Variants in MEIS3 observed in about 807,000 individuals in gnomAD.
MEIS3 encodes homeobox protein Meis3.
MEIS3 carries 38 observed loss-of-function variants against 51.4 expected under a neutral mutation model. The ratio of observed to expected loss-of-function variants is 0.74; its 90% confidence interval spans 0.57 to 0.97. The LOEUF (loss-of-function observed/expected upper bound fraction) is 0.97. Ranked by LOEUF, MEIS3 falls within the 50% of genes least tolerant of loss-of-function variation. MEIS3 has a pLI of 0.00. For missense variants in MEIS3, 456 were observed against 502.6 expected (o/e 0.91, Z 0.89); for synonymous variants, 198 against 201.8 (o/e 0.98, Z 0.16).
intron 8 of MEIS3, 103 bp downstream of exon 8, chr19:47,408,996 C>A: frequency 7.2e-7 from 1 of 1,386,544 alleles, no homozygotes; most frequent in South Asian, 1.3e-5. Flanking sequence ...AATTTCCTGC[C>A]GTCTTTCTCC....
intron 4 of MEIS3, 22 bp downstream of exon 4, chr19:47,416,630 T>TG: frequency 6.7e-7 from 1 of 1,500,954 alleles, no homozygotes. Flanking sequence ...GGAGGGGGTG[T>TG]GGGGGAGGGC....
At chr19:47,416,305 C>T (rs1033303162) in intron 4 of MEIS3, 1 of 252,150 alleles carries the variant, frequency 4.0e-6, no homozygotes, top group Non-Finnish European at 7.5e-6. Context: ...GGTGCTGTTC[C>T]ACGCACTTGA....
rs946585508 is a variant in MEIS3 at position 47,407,102 on chromosome 19, A to G, written c.971T>C (p.Met324Thr). Residue 324 changes from methionine to threonine, a missense_variant, in exon 10 of 13, where the codon ATG (methionine) becomes ACG (threonine). Transcript: ENST00000558555. The stretch of plus-strand genomic sequence containing the variant: ...ACCTGTGCGGTTGGATTGATCGATC[A>G]TAGGTTGCACGATGCGTCTCCGGGC... ...INARRRIVQP[M>T]IDQSNRTGQG... 1 of 1,611,782 alleles carries G rather than the reference A, an allele frequency of 6.2e-7. No homozygotes were observed.
At chr19:47,421,530 C>T (rs1305279659), upstream of MEIS3, among the ~76,000 whole-genome samples, 2 of 152,140 alleles carry the variant, frequency 1.3e-5, no homozygotes, top group African/African-American at 4.8e-5. Context: ...TCGGTTTCCC[C>T]TCTTTATCAA....
intron 1 of MEIS3, chr19:47,417,709 C>T: frequency 1.4e-6 from 1 of 699,796 alleles, no homozygotes; most frequent in East Asian, 2.7e-5. Flanking sequence ...ATGGACACCT[C>T]CTGTAGGAAC....
chr19:47,412,735 GTTTTT>G (rs545332157), intron 6 of MEIS3, among the ~76,000 whole-genome samples: 1 of 151,626 alleles, frequency 6.6e-6, no homozygotes, highest in Admixed American at 6.6e-5. Context: ...CTAATTTTTT[GTTTTT>G]TTTATGTTTA....
intron 6 of MEIS3, among the ~76,000 whole-genome samples, chr19:47,411,696 A>ATGCCCGGCTAATTTTT (rs1458628089): frequency 1.3e-5 from 2 of 151,404 alleles, no homozygotes; most frequent in African/African-American, 4.9e-5. Flanking sequence ...GTGTGCCACC[A>ATGCCCGGCTAATTTTT]TGCCCGGCTA....
chr19:47,422,067 G>A (rs530880750), upstream of MEIS3, among the ~76,000 whole-genome samples: 67 of 150,002 alleles, frequency 4.5e-4, no homozygotes, highest in South Asian at 5.6e-3. Flanking sequence ...CCCTGCGCCC[G>A]CCCCTCCGCC....
At position 47,406,957 on chromosome 19, in the gene MEIS3, A is replaced by G. The variant is rs1010740542; in HGVS notation, c.1009T>C (p.Phe337Leu). 3 of 1,577,842 alleles carry G rather than the reference A, an allele frequency of 1.9e-6. No individual in the cohort carries two copies. The highest frequency in any genetic ancestry group is 2.7e-5 in the African/African-American group (2 of 74,402). The change falls in exon 11 of 13, where the codon TTC becomes CTC. Residue 337 changes from phenylalanine to leucine, a missense_variant. Physicochemically the swap from Phe to Leu is conservative, Grantham distance 22 (BLOSUM62 0). Coordinates refer to ENST00000558555, the MANE Select transcript of MEIS3 (RefSeq NM_001301059.2). ...QSNRTGQGAAFSPEGQPIGGY... is the reference protein window; with the variant it reads ...QSNRTGQGAALSPEGQPIGGY... ...CCGATGGGCTGGCCCTCTGGGCTGA[A>G]GGCTGCACCCTGCCCTGCGAAGGGG...
intron 1 of MEIS3, chr19:47,418,440 G>C (rs1032366838): frequency 9.9e-5 from 15 of 152,278 alleles, no homozygotes; most frequent in African/African-American, 3.4e-4. Context: ...AGCCTACCCG[G>C]AACCCCCAAA....
chr19:47,415,329 G>A (rs1971355084), intron 4 of MEIS3, among the ~76,000 whole-genome samples: 1 of 152,082 alleles, frequency 6.6e-6, no homozygotes, highest in Non-Finnish European at 1.5e-5. Flanking sequence ...GCAGATGTTA[G>A]ATTGAGAGAA....
At chr19:47,409,020 C>T in intron 8 of MEIS3, 79 bp downstream of exon 8, 1 of 1,519,288 alleles carries the variant, frequency 6.6e-7, no homozygotes, top group Non-Finnish European at 8.9e-7. Context: ...TTCTGGGTTT[C>T]TCTGGGGTTT....
At chr19:47,409,032 G>A (rs1487244922) in intron 8 of MEIS3, 67 bp downstream of exon 8, 11 of 1,548,164 alleles carry the variant, frequency 7.1e-6, no homozygotes, top group South Asian at 1.1e-5. Flanking sequence ...CTGGGGTTTC[G>A]GTCTCTGTGG....
chr19:47,421,963 G>C (rs554832939), upstream of MEIS3, among the ~76,000 whole-genome samples: 1 of 149,158 alleles, frequency 6.7e-6, no homozygotes, highest in East Asian at 2.0e-4. Flanking sequence ...TCCTCCACCC[G>C]GGCCCTTCAT....
In MEIS3 at chr19:47,407,562, C is replaced by T. The variant is rs377098127; in HGVS notation, c.859-134G>A. 1.1e-4 allele frequency: 166 copies of T among 1,546,550 alleles called. No homozygotes were observed. The highest frequency in any genetic ancestry group is 2.1e-4 in the Middle Eastern group (1 of 4,672). On this transcript the variant is annotated intron_variant, in intron 8 of 12. Transcript: ENST00000558555. ...GTCTGGGAGAACCGGCGCTTCTGAG[C>T]GTCTCTGCGCTCCCCAGGATGGAGA...
intron 5 of MEIS3, 55 bp downstream of exon 5, chr19:47,414,996 G>A: frequency 7.5e-7 from 1 of 1,338,872 alleles, no homozygotes; most frequent in Non-Finnish European, 1.0e-6. Context: ...GAGGCGACGA[G>A]AGGGGGTGGG....
At chr19:47,406,370 C>A in intron 12 of MEIS3, 90 bp downstream of exon 12, 1 of 1,070,470 alleles carries the variant, frequency 9.3e-7, no homozygotes. Flanking sequence ...CCCAGGCTGA[C>A]CCACTACTCT....
intron 12 of MEIS3, among the ~76,000 whole-genome samples, chr19:47,405,763 T>C (rs1970785049): frequency 1.3e-5 from 2 of 152,098 alleles, no homozygotes; most frequent in African/African-American, 4.8e-5. Flanking sequence ...TTGGCCAGGC[T>C]GGTCTCGAAC....
rs183158734 is a variant in MEIS3, at chr19:47,409,787, C to T, written c.598-240G>A. Among the ~76,000 whole-genome samples the T allele has an allele frequency of 6.8e-3, 1,029 of 151,184 alleles. 15 individuals are homozygous for T. Among genetic ancestry groups the T allele is most frequent in the African/African-American group, 0.023 (952 of 41,138 alleles). ...CTGAGGCAGGAGAATCGCTTGAACC[C>T]GGGAGGCAGAGGTTGCAGTGAGCCG... On this transcript the variant is annotated intron_variant, in intron 6 of 12. Transcript: ENST00000558555.
Sources: allele counts gnomAD v4.1 joint callset (sites outside exome capture counted in the v4.1 genomes callset), GRCh38; gene constraint gnomAD v4.1.1; transcripts MANE v1.5; gene names NCBI Gene and HGNC (gene_info 2026-07-23, HGNC 2026-07-21).